M1AP: variants seen among roughly 807,000 people sequenced by gnomAD.
The protein encoded by M1AP is meiosis 1 arrest protein.
A neutral mutation model predicts 51.2 loss-of-function variants in M1AP; 39 were observed. The ratio of observed to expected loss-of-function variants is 0.76; its 90% CI spans 0.59 to 1.00. The LOEUF is 1.00. M1AP is among the 50% of genes least tolerant of loss of function. The pLI is 0.00. For missense variants in M1AP, 545 were observed against 641.2 expected, an observed-to-expected ratio of 0.85 and a Z score of 1.62; for synonymous variants, 251 against 249.2, an observed-to-expected ratio of 1.01 and a Z score of -0.07.
intron 2 of M1AP, among the ~76,000 whole-genome samples, chr2:74,632,421 C>A (rs1401051529): frequency 6.6e-6 from 1 of 152,210 alleles, no homozygotes; most frequent in African/African-American, 2.4e-5. Flanking sequence ...GGCCCTCTGT[C>A]AAGACCTCCT....
chr2:74,643,238 A>C (rs1201350578), intron 1 of M1AP, among the ~76,000 whole-genome samples: 1 of 152,190 alleles, frequency 6.6e-6, no homozygotes, highest in Non-Finnish European at 1.5e-5. Context: ...AAAAAACACA[A>C]ATGTCAATCT....
At chr2:74,583,505 C>T (rs1465787790) in intron 4 of M1AP, among the ~76,000 whole-genome samples, 1 of 152,128 alleles carries the variant, frequency 6.6e-6, no homozygotes, top group African/African-American at 2.4e-5. Context: ...AGGTAAAGGT[C>T]ATCAGTGAAA....
intron 1 of M1AP, chr2:74,647,310 G>GTTC: frequency 1.0e-6 from 1 of 985,334 alleles, no homozygotes; most frequent in Non-Finnish European, 1.2e-6. Flanking sequence ...GTCTGCCTCT[G>GTTC]CGGATGTTCT....
At chr2:74,611,833 A>AAAAC (rs564400396) in intron 3 of M1AP, among the ~76,000 whole-genome samples, 1 of 151,396 alleles carries the variant, frequency 6.6e-6, no homozygotes, top group African/African-American at 2.4e-5. Context: ...ACTCCATCTC[A>AAAAC]AAACAAACAA....
At chr2:74,591,791 CTT>C (rs925460287) in intron 4 of M1AP, among the ~76,000 whole-genome samples, 10 of 151,866 alleles carry the variant, frequency 6.6e-5, no homozygotes, top group Non-Finnish European at 1.2e-4. Context: ...AAGACATACT[CTT>C]TTATTTTTTT....
intron 4 of M1AP, among the ~76,000 whole-genome samples, chr2:74,594,626 C>A (rs377033478): frequency 1.5e-4 from 23 of 152,154 alleles, no homozygotes; most frequent in South Asian, 6.2e-4. Context: ...GTAATCCTGG[C>A]ATTTTCAGAG....
chr2:74,604,897 A>G (rs1297321234), intron 4 of M1AP, among the ~76,000 whole-genome samples: 1 of 152,208 alleles, frequency 6.6e-6, no homozygotes, highest in African/African-American at 2.4e-5. Context: ...CTCCAAAAAA[A>G]TCCTAGGAGA....
chr2:74,591,672 C>T (rs1680044470), intron 4 of M1AP, among the ~76,000 whole-genome samples: 1 of 152,036 alleles, frequency 6.6e-6, no homozygotes, highest in Non-Finnish European at 1.5e-5. Context: ...AAAGAGCTGC[C>T]TTGAGGTGAA....
chr2:74,608,121 T>G (rs1681124844), intron 3 of M1AP, among the ~76,000 whole-genome samples: 2 of 152,166 alleles, frequency 1.3e-5, no homozygotes, highest in Non-Finnish European at 2.9e-5. Flanking sequence ...TAGGGTTGAC[T>G]CTTGGTGTAG....
At chr2:74,618,212 C>T (rs1195693983) in intron 2 of M1AP, among the ~76,000 whole-genome samples, 1 of 152,140 alleles carries the variant, frequency 6.6e-6, no homozygotes, top group Non-Finnish European at 1.5e-5. Flanking sequence ...TAATCAGCAG[C>T]CACAGCAATG....
intron 2 of M1AP, among the ~76,000 whole-genome samples, chr2:74,636,848 A>G (rs1424287222): frequency 6.6e-6 from 1 of 152,080 alleles, no homozygotes; most frequent in Non-Finnish European, 1.5e-5. Context: ...CAAAGTGCTA[A>G]GATTATAGGT....
chr2:74,639,485 T>C (rs1217090993), intron 2 of M1AP, among the ~76,000 whole-genome samples: 1 of 152,218 alleles, frequency 6.6e-6, no homozygotes, highest in Non-Finnish European at 1.5e-5. Flanking sequence ...TGAAGGAGCT[T>C]TGTAAAGACA....
chr2:74,628,390 T>C (rs1049052854), intron 2 of M1AP: 1 of 382,544 alleles, frequency 2.6e-6, no homozygotes, highest in Non-Finnish European at 5.3e-6. Flanking sequence ...GAGGTAGCCA[T>C]GTTGGTTAAA....
At chr2:74,582,249 C>T (rs1383670383) in intron 4 of M1AP, among the ~76,000 whole-genome samples, 1 of 152,214 alleles carries the variant, frequency 6.6e-6, no homozygotes, top group East Asian at 1.9e-4. Context: ...CCAGCTTCCA[C>T]ACCTATTTTT....
At chr2:74,578,722 C>T (rs751793841) in intron 5 of M1AP, among the ~76,000 whole-genome samples, 4 of 152,092 alleles carry the variant, frequency 2.6e-5, no homozygotes, top group East Asian at 1.9e-4. Context: ...CACCTAAAGA[C>T]GGGGTGAAGG....
chr2:74,615,189 AC>A, intron 2 of M1AP, 40 bp from the exon 3 acceptor site: 1 of 1,564,100 alleles, frequency 6.4e-7, no homozygotes, highest in Non-Finnish European at 8.8e-7. Context: ...GTCTTTAGGG[AC>A]CAGGTTTCAG....
chr2:74,604,119 A>G (rs1680832340), intron 4 of M1AP, among the ~76,000 whole-genome samples: 1 of 152,178 alleles, frequency 6.6e-6, no homozygotes, highest in Admixed American at 6.5e-5. Flanking sequence ...ATGAAATCCA[A>G]ATGTTTTAGC....
At chr2:74,581,558 C>T in intron 5 of M1AP, 116 bp downstream of exon 5, 1 of 967,634 alleles carries the variant, frequency 1.0e-6, no homozygotes, top group Non-Finnish European at 1.6e-6. Flanking sequence ...CTCATCCAAC[C>T]CTCTTCCAGT....
chr2:74,561,567 C>A (rs1443551787), intron 8 of M1AP, among the ~76,000 whole-genome samples: 2 of 152,184 alleles, frequency 1.3e-5, no homozygotes, highest in African/African-American at 2.4e-5. Flanking sequence ...AAAACCCATA[C>A]AAAGGCTGAT....
Sources: gnomAD v4.1 joint callset for allele counts (sites outside exome capture counted in the v4.1 genomes callset) on GRCh38, gnomAD v4.1.1 for gene constraint, MANE v1.5 for transcripts, NCBI Gene and HGNC (gene_info 2026-07-23, HGNC 2026-07-21) for gene names.